The following SPON1 variants were observed in gnomAD, a reference collection of about 807,000 sequenced individuals.
The protein encoded by SPON1 is spondin-1.
SPON1 carries 52 observed loss-of-function variants against 111.7 expected under a neutral mutation model. The ratio of observed to expected loss-of-function variants is 0.47; its 90% CI spans 0.37 to 0.59. The LOEUF is 0.59. SPON1 is among the 20% of genes least tolerant of loss of function. The pLI, the probability that SPON1 is intolerant of heterozygous loss-of-function variation, is 0.00. For missense variants in SPON1, 957 were observed against 1,068.5 expected (o/e 0.90, Z 1.46); for synonymous variants, 410 against 395.8 (o/e 1.04, Z -0.43).
chr11:13,995,207 G>A (rs1848262095), intron 2 of SPON1, among the ~76,000 whole-genome samples: 2 of 152,146 alleles, frequency 1.3e-5, no homozygotes, highest in African/African-American at 2.4e-5. Context: ...GTAAGTATTT[G>A]CTGACATGAA....
chr11:14,127,396 CT>C (rs1847472855), intron 5 of SPON1, among the ~76,000 whole-genome samples: 1 of 152,178 alleles, frequency 6.6e-6, no homozygotes, highest in African/African-American at 2.4e-5. Context: ...CTCCTGGCCC[CT>C]TGTCCCCATT....
chr11:14,023,806 G>T (rs868962304), intron 2 of SPON1, among the ~76,000 whole-genome samples: 1 of 152,126 alleles, frequency 6.6e-6, no homozygotes, highest in East Asian at 1.9e-4. Context: ...GTGCAAGACC[G>T]GCCTGACCAA....
At chr11:14,043,555 G>A (rs1554917544) in intron 3 of SPON1, among the ~76,000 whole-genome samples, 1 of 152,178 alleles carries the variant, frequency 6.6e-6, no homozygotes, top group Non-Finnish European at 1.5e-5. Context: ...CAGAGACTGG[G>A]TTCCCAGCTT....
intron 6 of SPON1, among the ~76,000 whole-genome samples, chr11:14,211,425 G>A (rs892190777): frequency 1.3e-5 from 2 of 152,110 alleles, no homozygotes; most frequent in Admixed American, 6.5e-5. Context: ...ACTTACAAGG[G>A]ATGTGAAGGA....
rs1291163219 is a variant in SPON1 at position 14,032,299 on chromosome 11, C to T, written c.346-9222C>T. On this transcript the variant is annotated intron_variant, in intron 2 of 15. Transcript: ENST00000576479. ...CTTGGGGTGGTGGAATGATCAGGAA[C>T]GTTTGTTTCATATTTTTTGCTCCCC... Among the ~76,000 whole-genome samples, 9 of 143,640 alleles carry T rather than the reference C, an allele frequency of 6.3e-5. No individual in the cohort carries two copies. In the South Asian group the frequency reaches 7.0e-4, roughly 11 times the overall value. 94.2% of individuals were successfully genotyped at this position (143,640 alleles called of 152,430 possible).
At chr11:14,122,293 C>T (rs1199048721) in intron 5 of SPON1, among the ~76,000 whole-genome samples, 1 of 152,184 alleles carries the variant, frequency 6.6e-6, no homozygotes, top group Non-Finnish European at 1.5e-5. Context: ...CCTGCCTCAG[C>T]CGCCTGAGTA....
Position 14,149,273 on chromosome 11 carries a change from T to C in SPON1, c.825+13705T>C, listed in dbSNP as rs149347146. Among the ~76,000 whole-genome samples, 132 of 152,232 alleles carry C rather than the reference T, an allele frequency of 8.7e-4. 1 individual carries two copies. The highest frequency in any genetic ancestry group is 3.0e-3 in the African/African-American group (126 of 41,554). On this transcript the variant is annotated intron_variant, in intron 6 of 15. Coordinates refer to ENST00000576479, the MANE Select transcript of SPON1 (RefSeq NM_006108.4). Reference sequence around the variant, plus strand: ...AAAGGCTTAAGCACATTTTTTAAAATGTGTGTGTTTACATCTTAGCTTTTA... The same window carrying C: ...AAAGGCTTAAGCACATTTTTTAAAACGTGTGTGTTTACATCTTAGCTTTTA...
intron 5 of SPON1, among the ~76,000 whole-genome samples, chr11:14,113,579 T>A (rs1554925659): frequency 0.016 from 76 of 4,718 alleles, 13 homozygotes; most frequent in South Asian, 0.041. Context: ...TTTTTTTTTT[T>A]TTTTTTTTTT....
chr11:14,059,734 T>C (rs1290413980), intron 3 of SPON1, among the ~76,000 whole-genome samples: 3 of 151,938 alleles, frequency 2.0e-5, no homozygotes, highest in Non-Finnish European at 2.9e-5. Flanking sequence ...GAAGAGCAAG[T>C]TCCCCCCAGC....
At chr11:14,027,061 G>A (rs1848523920) in intron 2 of SPON1, among the ~76,000 whole-genome samples, 1 of 152,176 alleles carries the variant, frequency 6.6e-6, no homozygotes, top group African/African-American at 2.4e-5. Flanking sequence ...TCTGGGCTGA[G>A]TGGGGAGACT....
chr11:14,200,217 AG>A (rs1848447229), intron 6 of SPON1, among the ~76,000 whole-genome samples: 1 of 152,184 alleles, frequency 6.6e-6, no homozygotes, highest in African/African-American at 2.4e-5. Context: ...TCAAGTTTAT[AG>A]CTTGTCTTGT....
intron 6 of SPON1, among the ~76,000 whole-genome samples, chr11:14,199,925 C>T (rs553301521): frequency 2.6e-5 from 4 of 152,326 alleles, no homozygotes; most frequent in Admixed American, 1.3e-4. Flanking sequence ...CTCCCAGCCA[C>T]GCATATGTGC....
intron 6 of SPON1, among the ~76,000 whole-genome samples, chr11:14,192,508 G>GC (rs35833965): frequency 0.41 from 62,372 of 152,028 alleles, 12,969 homozygotes; most frequent in East Asian, 0.55. Context: ...TTCTGAAGCT[G>GC]CCCCGTCAAT....
chr11:14,021,585 CA>C (rs1554914802), intron 2 of SPON1, among the ~76,000 whole-genome samples: 2 of 152,264 alleles, frequency 1.3e-5, no homozygotes, highest in Admixed American at 1.3e-4. Context: ...ATCTGAGAGC[CA>C]AATCACATTT....
At chr11:14,162,894 G>A (rs1252073866) in intron 6 of SPON1, among the ~76,000 whole-genome samples, 1 of 152,224 alleles carries the variant, frequency 6.6e-6, no homozygotes, top group Non-Finnish European at 1.5e-5. Flanking sequence ...ATACTACAGA[G>A]GGAATGGCAA....
At chr11:14,137,764 G>A (rs535992090) in intron 6 of SPON1, among the ~76,000 whole-genome samples, 3 of 152,258 alleles carry the variant, frequency 2.0e-5, no homozygotes, top group Admixed American at 6.5e-5. Context: ...ACCTGCCCCT[G>A]AAGCCAGGCC....
intron 6 of SPON1, among the ~76,000 whole-genome samples, chr11:14,194,528 T>TCACACACACACACACACA (rs372569370): frequency 1.3e-3 from 134 of 106,888 alleles, no homozygotes; most frequent in Middle Eastern, 9.9e-3. Context: ...TAGGCCTACT[T>TCACACACACACACACACA]CACACACACA....
At chr11:14,076,679 T>G (rs1025590816) in intron 4 of SPON1, among the ~76,000 whole-genome samples, 8 of 152,360 alleles carry the variant, frequency 5.3e-5, no homozygotes, top group African/African-American at 1.9e-4. Context: ...TCAGTAGTTC[T>G]TATCATTGCC....
chr11:14,113,873 G>T (rs1849246997), intron 5 of SPON1, among the ~76,000 whole-genome samples: 1 of 151,812 alleles, frequency 6.6e-6, no homozygotes, highest in Non-Finnish European at 1.5e-5. Context: ...CAAAGTGCTG[G>T]GATTACAGGC....
Sources: gnomAD v4.1 joint callset for allele counts (sites outside exome capture counted in the v4.1 genomes callset) on GRCh38, gnomAD v4.1.1 for gene constraint, MANE v1.5 for transcripts, NCBI Gene and HGNC (gene_info 2026-07-23, HGNC 2026-07-21) for gene names.